The following RFTN1 variants were observed in gnomAD, a reference collection of about 807,000 sequenced individuals.
The protein encoded by RFTN1 is raftlin.
Under a neutral mutation model 46.5 loss-of-function variants are expected in RFTN1, and 26 were observed. That is an observed-to-expected ratio of 0.56 (90% confidence interval 0.41 to 0.78). The LOEUF is 0.78. Ranked by LOEUF, RFTN1 falls within the 30% of genes least tolerant of loss-of-function variation. The pLI, the probability that RFTN1 is intolerant of heterozygous loss-of-function variation, is 0.00. For synonymous variants in RFTN1, 261 were observed against 284.2 expected, an observed-to-expected ratio of 0.92 and a Z score of 0.82; for missense variants, 693 against 718.7, an observed-to-expected ratio of 0.96 and a Z score of 0.41.
In RFTN1 at chr3:16,468,854, A is replaced by T. The variant is rs1273197350; in HGVS notation, c.145+24871T>A. On this transcript the variant is annotated intron_variant, in intron 2 of 9. Transcript: ENST00000334133. This position sits in a 1 kb window ranked among gnomAD's most constrained non-coding sequence, Gnocchi z 4.4. ...AAAAAAATGCCACATAATTAGACAC[A>T]GCCAGAAAAGGGTACGTATGCTTCC... Among the ~76,000 whole-genome samples the T allele has an allele frequency of 6.6e-6, 1 of 152,246 alleles. No homozygotes were observed. Among genetic ancestry groups the T allele is most frequent in the Non-Finnish European group, 1.5e-5 (1 of 68,048 alleles).
In RFTN1 at chr3:16,418,677, A is replaced by ATT. The variant is rs10610054; in HGVS notation, c.333-9196_333-9195dup. Among the ~76,000 whole-genome samples, 3 of 149,092 alleles carry ATT rather than the reference A, an allele frequency of 2.0e-5. No homozygotes were observed. The highest frequency in any genetic ancestry group is 7.4e-5 in the African/African-American group (3 of 40,652). On this transcript the variant is annotated intron_variant, in intron 3 of 9. Coordinates refer to ENST00000334133, the MANE Select transcript of RFTN1 (RefSeq NM_015150.2). The surrounding 1 kb of genome is among the most constrained non-coding windows in gnomAD (Gnocchi z 5.0). The stretch of plus-strand genomic sequence containing the variant: ...TCAAATAGAATAATCAGAACAGCTT[A>ATT]TTTTTTTTTTTTTAAAGAAGTATTA...
chr3:16,454,487 C>G (rs1247419426), intron 2 of RFTN1, among the ~76,000 whole-genome samples: 1 of 142,278 alleles, frequency 7.0e-6, no homozygotes, highest in African/African-American at 2.5e-5. Context: ...AGTCTGAGGA[C>G]GATTGTGTGA....
intron 3 of RFTN1, among the ~76,000 whole-genome samples, chr3:16,419,249 G>C (rs1017834424): frequency 1.3e-5 from 2 of 152,174 alleles, no homozygotes; most frequent in Non-Finnish European, 2.9e-5. Context: ...GTGACTGTGG[G>C]CTCTGCAGTG....
chr3:16,336,265 G>T lies in RFTN1; in HGVS notation c.1147-9389C>A, dbSNP rs1309352771. On this transcript the variant is annotated intron_variant, in intron 7 of 9. Transcript: ENST00000334133. The surrounding 1 kb of genome is among the most constrained non-coding windows in gnomAD (Gnocchi z 6.0). ...CATTCATGAATCTCACATTCAGTCA[G>T]CCTGGCTCTGTCTGTGCCACTTGGG... 6.6e-6 allele frequency among the ~76,000 whole-genome samples: 1 copy of T among 152,230 alleles called. No homozygotes were observed. The highest frequency in any genetic ancestry group is 1.5e-5 in the Non-Finnish European group (1 of 68,038).
chr3:16,435,591 A>T (rs2075493421), intron 2 of RFTN1, among the ~76,000 whole-genome samples: 1 of 152,126 alleles, frequency 6.6e-6, no homozygotes, highest in African/African-American at 2.4e-5. Context: ...AAAACAAAAC[A>T]AAACAGTATA....
rs903215374 is a variant in RFTN1 at position 16,447,009 on chromosome 3, A to G, written c.146-12972T>C. Reference sequence around the variant, plus strand: ...AGAGGCTTATGACAGAATAAATTCCACACTCTGGGGGCTTGGCACAACTTC... The same window carrying G: ...AGAGGCTTATGACAGAATAAATTCCGCACTCTGGGGGCTTGGCACAACTTC... On this transcript the variant is annotated intron_variant, in intron 2 of 9. Coordinates refer to ENST00000334133, the MANE Select transcript of RFTN1 (RefSeq NM_015150.2). This position sits in a 1 kb window ranked among gnomAD's most constrained non-coding sequence, Gnocchi z 5.9. Among the ~76,000 whole-genome samples, 1 of 152,196 alleles carries G rather than the reference A, an allele frequency of 6.6e-6. No individual in the cohort carries two copies. Among genetic ancestry groups the G allele is most frequent in the Admixed American group, 6.5e-5 (1 of 15,280 alleles).
chr3:16,317,159 C>T lies in RFTN1; in HGVS notation c.1406G>A (p.Arg469Lys). The T allele has an allele frequency of 6.2e-7, 1 of 1,613,710 alleles. No individual in the cohort carries two copies. The highest frequency in any genetic ancestry group is 2.2e-5 in the East Asian group (1 of 44,848). Residue 469 changes from arginine to lysine, a missense_variant, in exon 10 of 10, where the codon AGA becomes AAA. Arg to Lys is a conservative substitution (Grantham distance 26). Coordinates refer to ENST00000334133, the MANE Select transcript of RFTN1 (RefSeq NM_015150.2). This position sits in a 1 kb window ranked among gnomAD's most constrained non-coding sequence, Gnocchi z 4.3. ...MRKSKGKLSA[R>K]DKQQAEENEK... ...ATTTTCTTCTGCTTGTTGTTTGTCT[C>T]TGGCACTGAGTTTACCTTTTGATTT...
chr3:16,468,953 C>A lies in RFTN1; in HGVS notation c.145+24772G>T, dbSNP rs2076147696. 1.3e-5 allele frequency among the ~76,000 whole-genome samples: 2 copies of A among 152,400 alleles called. No individual in the cohort carries two copies. Among genetic ancestry groups the A allele is most frequent in the African/African-American group, 4.8e-5 (2 of 41,594 alleles). On this transcript the variant is annotated intron_variant, in intron 2 of 9. Transcript: ENST00000334133. The surrounding 1 kb of genome is among the most constrained non-coding windows in gnomAD (Gnocchi z 4.4). ...TGCCAAAAGGCCAATCCATTCCCCC[C>A]ATCACTCAGCCTGCCTGAATCGCAT...
In RFTN1 at chr3:16,321,796, A is replaced by G. The variant is rs916619134; in HGVS notation, c.1332+1580T>C. Among the ~76,000 whole-genome samples, 1 of 152,124 alleles carries G rather than the reference A, an allele frequency of 6.6e-6. No individual in the cohort carries two copies. Among genetic ancestry groups the G allele is most frequent in the African/African-American group, 2.4e-5 (1 of 41,418 alleles). ...AAACAGTGGGTCCCATCCTCTCTGA[A>G]TTTTCCCTGAGGAGAGTCAGTTCAA... On this transcript the variant is annotated intron_variant, in intron 9 of 9. Coordinates refer to ENST00000334133, the MANE Select transcript of RFTN1 (RefSeq NM_015150.2). This position sits in a 1 kb window ranked among gnomAD's most constrained non-coding sequence, Gnocchi z 4.8.
chr3:16,370,359 C>T lies in RFTN1; in HGVS notation c.827-80G>A, dbSNP rs370460208. 7.8e-7 allele frequency: 1 copy of T among 1,283,370 alleles called. No homozygotes were observed. The highest frequency in any genetic ancestry group is 1.1e-6 in the Non-Finnish European group (1 of 882,630). The allele number at this position is 1,283,370 out of a possible 1,614,324, so 79.5% of individuals were successfully genotyped here. A position where few individuals can be genotyped will look rare whatever the true frequency, so the allele number is the denominator to read the frequency against. ...TCTGTTTCATCGGCTTAAGTGGAATCTCTCAGGAGCCTGAATAAATGATAT... is the reference window on the plus strand; with the variant it reads ...TCTGTTTCATCGGCTTAAGTGGAATTTCTCAGGAGCCTGAATAAATGATAT... On this transcript the variant is annotated intron_variant, in intron 5 of 9. Coordinates refer to ENST00000334133, the MANE Select transcript of RFTN1 (RefSeq NM_015150.2). This position sits in a 1 kb window ranked among gnomAD's most constrained non-coding sequence, Gnocchi z 5.5.
At chr3:16,389,837 C>T (rs954963316) in intron 4 of RFTN1, among the ~76,000 whole-genome samples, 19 of 152,192 alleles carry the variant, frequency 1.2e-4, no homozygotes, top group Admixed American at 7.9e-4. Flanking sequence ...GTCCTTATGA[C>T]GGCCTCAACC....
At chr3:16,411,588 T>C (rs1485254642) in intron 3 of RFTN1, among the ~76,000 whole-genome samples, 1 of 152,216 alleles carries the variant, frequency 6.6e-6, no homozygotes, top group Non-Finnish European at 1.5e-5. Context: ...TAATACTTGG[T>C]CAGAGACTAG....
rs1426631208 is a variant in RFTN1, at chr3:16,448,824, C to T, written c.146-14787G>A. On this transcript the variant is annotated intron_variant, in intron 2 of 9. Coordinates refer to ENST00000334133, the MANE Select transcript of RFTN1 (RefSeq NM_015150.2). This position sits in a 1 kb window ranked among gnomAD's most constrained non-coding sequence, Gnocchi z 4.1. ...GGGGATTACAGGCTGCGACTCACTGCTCTAGCAAAACTAGAAATAACTGCT... is the reference window on the plus strand; with the variant it reads ...GGGGATTACAGGCTGCGACTCACTGTTCTAGCAAAACTAGAAATAACTGCT... 6.6e-6 allele frequency among the ~76,000 whole-genome samples: 1 copy of T among 152,176 alleles called. No individual in the cohort carries two copies. Among genetic ancestry groups the T allele is most frequent in the Admixed American group, 6.5e-5 (1 of 15,278 alleles).
rs1312819869 is a variant in RFTN1, at chr3:16,509,866, C to T, written c.-9+3576G>A. Among the ~76,000 whole-genome samples the T allele has an allele frequency of 6.6e-6, 1 of 152,216 alleles. No individual in the cohort carries two copies. Among genetic ancestry groups the T allele is most frequent in the African/African-American group, 2.4e-5 (1 of 41,460 alleles). On this transcript the variant is annotated intron_variant, in intron 1 of 9. Coordinates refer to ENST00000334133, the MANE Select transcript of RFTN1 (RefSeq NM_015150.2). The surrounding 1 kb of genome is among the most constrained non-coding windows in gnomAD (Gnocchi z 4.9). Reference sequence around the variant, plus strand: ...TAAGGAGGAGGGAACAGTCCCCAAACACAGTGCAATGTCTCAAGACTGAGC... The same window carrying T: ...TAAGGAGGAGGGAACAGTCCCCAAATACAGTGCAATGTCTCAAGACTGAGC...
rs758493435 is a variant in RFTN1 at position 16,345,829 on chromosome 3, T to TGTGTGC, written c.1146+12102_1146+12103insGCACAC. Among the ~76,000 whole-genome samples, 120 of 69,862 alleles carry TGTGTGC rather than the reference T, an allele frequency of 1.7e-3. No individual in the cohort carries two copies. The highest frequency in any genetic ancestry group is 3.3e-3 in the African/African-American group (62 of 18,908). The allele number at this position is 69,862 out of a possible 152,430, so 45.8% of individuals were successfully genotyped here. ...GTGTGTGTGTGTGTGCGCGCGCGCG[T>TGTGTGC]GCGCGCACGCGCACATGTGCATGTG... On this transcript the variant is annotated intron_variant, in intron 7 of 9. Coordinates refer to ENST00000334133, the MANE Select transcript of RFTN1 (RefSeq NM_015150.2). This position sits in a 1 kb window ranked among gnomAD's most constrained non-coding sequence, Gnocchi z 5.2.
chr3:16,509,315 G>A lies in RFTN1; in HGVS notation c.-9+4127C>T, dbSNP rs868590779. 1.2e-4 allele frequency among the ~76,000 whole-genome samples: 18 copies of A among 152,192 alleles called. No homozygotes were observed. Among genetic ancestry groups the A allele is most frequent in the African/African-American group, 3.6e-4 (15 of 41,524 alleles). ...TATGGCTTTGTGTATTTGGAAATCC[G>A]TGATTGTAGACAGATTTTGCCTTCA... On this transcript the variant is annotated intron_variant, in intron 1 of 9. Coordinates refer to ENST00000334133, the MANE Select transcript of RFTN1 (RefSeq NM_015150.2). This position sits in a 1 kb window ranked among gnomAD's most constrained non-coding sequence, Gnocchi z 4.9.
chr3:16,378,225 C>A, intron 4 of RFTN1, 123 bp from the exon 5 acceptor site: 1 of 775,154 alleles, frequency 1.3e-6, no homozygotes, highest in Non-Finnish European at 2.1e-6. Flanking sequence ...AGAAGAATTC[C>A]AAGCTGACAG....
At chr3:16,357,712 G>A (rs568027476) in intron 7 of RFTN1, among the ~76,000 whole-genome samples, 2 of 152,296 alleles carry the variant, frequency 1.3e-5, no homozygotes, top group Admixed American at 1.3e-4. Context: ...CACATGCAAT[G>A]TGCTTTTCTT....
At chr3:16,437,412 A>T (rs535179653) in intron 2 of RFTN1, among the ~76,000 whole-genome samples, 2 of 152,014 alleles carry the variant, frequency 1.3e-5, no homozygotes, top group South Asian at 4.1e-4. Context: ...TTTGAAGGGC[A>T]ATACCACCCT....
Sources: gnomAD v4.1 joint callset for allele counts (sites outside exome capture counted in the v4.1 genomes callset) on GRCh38, gnomAD v4.1.1 for gene constraint, Gnocchi (gnomAD v3.1) non-coding constraint, MANE v1.5 for transcripts, NCBI Gene and HGNC (gene_info 2026-07-23, HGNC 2026-07-21) for gene names.